ROBO1: variants seen among roughly 807,000 people sequenced by gnomAD.
ROBO1 encodes roundabout guidance receptor 1.
ROBO1 carries 149 observed loss-of-function variants against 195.9 expected under a neutral mutation model. The observed-to-expected ratio is 0.76, with a 90% CI of 0.67 to 0.87. The LOEUF is 0.87. ROBO1 is among the 40% of genes least tolerant of loss of function. The probability of loss-of-function intolerance (pLI) is 0.00; values close to 1 mark genes in which losing one functional copy is unlikely to be tolerated. For missense variants in ROBO1, 1,933 were observed against 2,068.3 expected (o/e 0.93, Z 1.27); for synonymous variants, 816 against 733.2 (o/e 1.11, Z -1.82).
intron 2 of ROBO1, among the ~76,000 whole-genome samples, chr3:79,247,316 C>G: frequency 6.7e-6 from 1 of 149,440 alleles, no homozygotes. Context: ...ACTACTACTA[C>G]TGTCTTAACT....
intron 1 of ROBO1, among the ~76,000 whole-genome samples, chr3:79,744,491 C>T (rs986145328): frequency 4.6e-5 from 7 of 152,018 alleles, no homozygotes; most frequent in Non-Finnish European, 8.8e-5. Context: ...GGGATGGAGT[C>T]CTCTTGAATG....
At chr3:79,108,632 A>G (rs2079828891) in intron 3 of ROBO1, among the ~76,000 whole-genome samples, 1 of 151,874 alleles carries the variant, frequency 6.6e-6, no homozygotes, top group Non-Finnish European at 1.5e-5. Context: ...TAAAATTTAA[A>G]GAAACTATAT....
intron 22 of ROBO1, among the ~76,000 whole-genome samples, chr3:78,638,257 A>G: frequency 7.3e-6 from 1 of 137,764 alleles, no homozygotes; most frequent in African/African-American, 2.8e-5. Flanking sequence ...ACACATACAT[A>G]TATGTATATG....
intron 4 of ROBO1, among the ~76,000 whole-genome samples, chr3:78,895,457 T>C (rs567502806): frequency 5.1e-4 from 77 of 152,340 alleles, no homozygotes; most frequent in Non-Finnish European, 6.6e-4. Flanking sequence ...AATGCTATCA[T>C]TGGAAAGAAA....
At chr3:79,495,586 T>C (rs2107471615) in intron 2 of ROBO1, among the ~76,000 whole-genome samples, 1 of 152,236 alleles carries the variant, frequency 6.6e-6, no homozygotes, top group East Asian at 1.9e-4. Flanking sequence ...AATTAAGACA[T>C]AAGGGGGAAG....
chr3:78,859,164 G>T (rs112133250), intron 4 of ROBO1, among the ~76,000 whole-genome samples: 2 of 152,142 alleles, frequency 1.3e-5, no homozygotes, highest in Non-Finnish European at 2.9e-5. Context: ...GAGGTGGAGA[G>T]AAATATTACC....
intron 3 of ROBO1, among the ~76,000 whole-genome samples, chr3:79,056,025 A>T (rs889102675): frequency 1.3e-5 from 2 of 152,154 alleles, no homozygotes; most frequent in African/African-American, 4.8e-5. Context: ...TTTAAGGGCC[A>T]TTAATGCAGT....
intron 4 of ROBO1, among the ~76,000 whole-genome samples, chr3:78,861,107 A>C (rs986629676): frequency 2.0e-5 from 3 of 152,008 alleles, no homozygotes; most frequent in Non-Finnish European, 4.4e-5. Flanking sequence ...TTCCTTCTCA[A>C]ATTTTTACTT....
chr3:78,928,453 G>GAAAAGA (rs1176401820), intron 4 of ROBO1, among the ~76,000 whole-genome samples: 2 of 150,816 alleles, frequency 1.3e-5, no homozygotes, highest in Non-Finnish European at 2.9e-5. Context: ...AAGAAAAGAA[G>GAAAAGA]AAAAGAAAAA....
chr3:78,805,659 G>A lies in ROBO1; in HGVS notation c.500-58759C>T, dbSNP rs575262269. Among the ~76,000 whole-genome samples, 8 of 152,050 alleles carry A rather than the reference G, an allele frequency of 5.3e-5. No homozygotes were observed. The East Asian group carries it at 9.7e-4, about 18-fold the overall frequency. ...GGGGAAAAATATATCAGCTGATAAT[G>A]AGGAAACTTCCATGATATCTTTCAA... On this transcript the variant is annotated intron_variant, in intron 4 of 30. Coordinates refer to ENST00000464233, the MANE Select transcript of ROBO1 (RefSeq NM_002941.4).
intron 2 of ROBO1, among the ~76,000 whole-genome samples, chr3:79,395,931 C>T (rs1280557318): frequency 6.6e-6 from 1 of 151,878 alleles, no homozygotes; most frequent in Admixed American, 6.6e-5. Flanking sequence ...ATTGGAAATG[C>T]TATAATATTT....
chr3:79,338,473 C>G (rs1341150488), intron 2 of ROBO1, among the ~76,000 whole-genome samples: 1 of 152,138 alleles, frequency 6.6e-6, no homozygotes, highest in East Asian at 1.9e-4. Context: ...CACCTGATTA[C>G]CAGATTCAGA....
At chr3:79,484,257 C>G (rs1028168621) in intron 2 of ROBO1, among the ~76,000 whole-genome samples, 5 of 152,230 alleles carry the variant, frequency 3.3e-5, no homozygotes, top group Admixed American at 3.3e-4. Flanking sequence ...CATTTCTCTG[C>G]TCTCTGCTTG....
intron 1 of ROBO1, among the ~76,000 whole-genome samples, chr3:79,719,818 TAATGA>T (rs1420750975): frequency 7.2e-5 from 11 of 152,186 alleles, no homozygotes; most frequent in Admixed American, 7.2e-4. Flanking sequence ...TATTAAAAAT[TAATGA>T]AATGAATTTG....
intron 4 of ROBO1, among the ~76,000 whole-genome samples, chr3:78,833,337 GT>G (rs2108749698): frequency 1.3e-5 from 2 of 152,200 alleles, no homozygotes; most frequent in East Asian, 3.9e-4. Context: ...GGATTATTTC[GT>G]TTTTAGCTTA....
intron 8 of ROBO1, among the ~76,000 whole-genome samples, chr3:78,695,636 AAAAAAAAG>A (rs906109075): frequency 4.0e-5 from 6 of 150,778 alleles, no homozygotes; most frequent in African/African-American, 1.2e-4. Context: ...AAAAAAAAAA[AAAAAAAAG>A]AAAAGAAAAC....
chr3:79,724,086 C>T (rs921168343), intron 1 of ROBO1, among the ~76,000 whole-genome samples: 2 of 152,194 alleles, frequency 1.3e-5, no homozygotes, highest in African/African-American at 4.8e-5. Flanking sequence ...TCGTTGTTCA[C>T]TTGTTCTGTT....
intron 4 of ROBO1, among the ~76,000 whole-genome samples, chr3:78,902,308 T>A (rs1447187890): frequency 6.6e-6 from 1 of 152,138 alleles, no homozygotes; most frequent in Non-Finnish European, 1.5e-5. Context: ...TAAGCTCCAT[T>A]TTAGGTCAAA....
intron 2 of ROBO1, among the ~76,000 whole-genome samples, chr3:79,287,908 A>AT (rs2031990922): frequency 6.6e-6 from 1 of 151,982 alleles, no homozygotes; most frequent in Non-Finnish European, 1.5e-5. Context: ...TATTTTTTAC[A>AT]TATTATTGAT....
Sources: allele counts gnomAD v4.1 joint callset (sites outside exome capture counted in the v4.1 genomes callset), GRCh38; gene constraint gnomAD v4.1.1; transcripts MANE v1.5; gene names NCBI Gene and HGNC (gene_info 2026-07-23, HGNC 2026-07-21).